Variants in NKAIN2 observed in about 807,000 individuals in gnomAD.
NKAIN2 encodes the protein sodium/potassium-transporting ATPase subunit beta-1-interacting protein 2.
NKAIN2 carries 14 observed loss-of-function variants against 32.6 expected under a neutral mutation model. The observed-to-expected ratio is 0.43, with a 90% CI of 0.28 to 0.67. NKAIN2 has a LOEUF of 0.67. Ranked by LOEUF, NKAIN2 falls within the 30% of genes least tolerant of loss-of-function variation. NKAIN2 has a pLI of 0.17. For synonymous variants in NKAIN2, 80 were observed against 87.2 expected, an observed-to-expected ratio of 0.92 and a Z score of 0.46; for missense variants, 198 against 258.3, an observed-to-expected ratio of 0.77 and a Z score of 1.60.
At chr6:124,755,154 C>T (rs1777903496) in intron 4 of NKAIN2, among the ~76,000 whole-genome samples, 2 of 152,200 alleles carry the variant, frequency 1.3e-5, no homozygotes, top group South Asian at 4.1e-4. Flanking sequence ...TAGCTGAAGG[C>T]CTGAGAGCCC....
At chr6:124,695,492 C>A (rs140409465) in intron 4 of NKAIN2, among the ~76,000 whole-genome samples, 1 of 152,154 alleles carries the variant, frequency 6.6e-6, no homozygotes, top group Non-Finnish European at 1.5e-5. Context: ...ATTCTGAGAG[C>A]TTTATGAAGG....
chr6:123,930,367 G>A (rs1266862213), intron 1 of NKAIN2, among the ~76,000 whole-genome samples: 1 of 152,004 alleles, frequency 6.6e-6, no homozygotes, highest in Non-Finnish European at 1.5e-5. Flanking sequence ...GTCCAACTTT[G>A]CTTTGTCTTT....
At chr6:124,208,637 A>G (rs1791016961) in intron 1 of NKAIN2, among the ~76,000 whole-genome samples, 1 of 151,498 alleles carries the variant, frequency 6.6e-6, no homozygotes, top group Non-Finnish European at 1.5e-5. Context: ...TATAAAATAT[A>G]CTATATTATA....
At chr6:124,532,212 A>G (rs933984109) in intron 3 of NKAIN2, among the ~76,000 whole-genome samples, 1 of 152,152 alleles carries the variant, frequency 6.6e-6, no homozygotes, top group Non-Finnish European at 1.5e-5. Flanking sequence ...GAACTTTTAC[A>G]CCCTGTTAGC....
At chr6:123,901,308 C>A (rs574233654) in intron 1 of NKAIN2, among the ~76,000 whole-genome samples, 14 of 152,112 alleles carry the variant, frequency 9.2e-5, no homozygotes, top group Middle Eastern at 3.4e-3. Flanking sequence ...TTAGTGATAT[C>A]ATTTTTTTCT....
In NKAIN2 at chr6:124,585,321, G is replaced by T. The variant is rs552576059; in HGVS notation, c.274-72865G>T. ...TTACCAGAGGCTGGGAAAGGTAGCT[G>T]GGGGGAGAGGGTTAGTGGAGGTGGT... On this transcript the variant is annotated intron_variant, in intron 3 of 6. Coordinates refer to ENST00000368417, the MANE Select transcript of NKAIN2 (RefSeq NM_001040214.3). Among the ~76,000 whole-genome samples, 7 of 152,278 alleles carry T rather than the reference G, an allele frequency of 4.6e-5. No homozygotes were observed. The South Asian group carries it at 1.2e-3, about 27-fold the overall frequency.
At chr6:124,147,238 C>T (rs1013188301) in intron 1 of NKAIN2, among the ~76,000 whole-genome samples, 4 of 152,150 alleles carry the variant, frequency 2.6e-5, no homozygotes, top group South Asian at 2.1e-4. Context: ...TCAGGATACA[C>T]TGGAAAGCGT....
At chr6:123,928,843 T>A (rs1330601128) in intron 1 of NKAIN2, among the ~76,000 whole-genome samples, 1 of 152,178 alleles carries the variant, frequency 6.6e-6, no homozygotes, top group Admixed American at 6.5e-5. Flanking sequence ...AGCTGAAGAA[T>A]GAGGAATGAA....
In NKAIN2 at chr6:124,500,060, G is replaced by T. The variant is rs117486043; in HGVS notation, c.273+144713G>T. ...ACTTTTTAAAGGGTGATGGAGATTT[G>T]TGATGAAACCAAATATACTGTAGCC... On this transcript the variant is annotated intron_variant, in intron 3 of 6. Transcript: ENST00000368417. Among the ~76,000 whole-genome samples the T allele has an allele frequency of 5.1e-4, 77 of 152,284 alleles. No individual in the cohort carries two copies. In the East Asian group the frequency reaches 0.011, roughly 23 times the overall value.
At chr6:124,804,557 G>A (rs6916240) in intron 5 of NKAIN2, 42,310 of 207,714 alleles carry the variant, frequency 0.2, 5,295 homozygotes, top group East Asian at 0.59. Flanking sequence ...AGCTCCCAGC[G>A]TGAGCGACGC....
intron 4 of NKAIN2, among the ~76,000 whole-genome samples, chr6:124,700,223 C>CA (rs1774708868): frequency 6.6e-6 from 1 of 152,044 alleles, no homozygotes; most frequent in Non-Finnish European, 1.5e-5. Flanking sequence ...AAAAATCAGG[C>CA]AAAATCTTAG....
intron 3 of NKAIN2, among the ~76,000 whole-genome samples, chr6:124,571,148 C>T (rs1041239314): frequency 7.2e-5 from 11 of 152,242 alleles, no homozygotes; most frequent in East Asian, 1.9e-4. Flanking sequence ...ATACCCGTAC[C>T]GCCATTGTAT....
At chr6:123,808,331 A>T (rs191097628) in intron 1 of NKAIN2, among the ~76,000 whole-genome samples, 5 of 152,190 alleles carry the variant, frequency 3.3e-5, no homozygotes, top group Admixed American at 3.3e-4. Context: ...AAACTTACTC[A>T]TGAAGAAGAC....
intron 3 of NKAIN2, 104 bp downstream of exon 3, chr6:124,355,451 A>G (rs575863224): frequency 2.4e-5 from 16 of 663,952 alleles, no homozygotes; most frequent in Middle Eastern, 2.6e-4. Flanking sequence ...CTGCACCTCA[A>G]TGAAAGTAAA....
At chr6:124,501,200 G>C (rs1044979053) in intron 3 of NKAIN2, among the ~76,000 whole-genome samples, 1 of 152,048 alleles carries the variant, frequency 6.6e-6, no homozygotes, top group Admixed American at 6.6e-5. Context: ...CCTCTACAGT[G>C]TTTCTGGACA....
intron 3 of NKAIN2, among the ~76,000 whole-genome samples, chr6:124,469,436 T>C (rs561877738): frequency 6.6e-6 from 1 of 152,324 alleles, no homozygotes; most frequent in South Asian, 2.1e-4. Flanking sequence ...AATATAATTA[T>C]ATGACTCAAT....
intron 4 of NKAIN2, among the ~76,000 whole-genome samples, chr6:124,752,077 TTTAGAAAATGC>T: frequency 6.6e-6 from 1 of 152,166 alleles, no homozygotes; most frequent in Non-Finnish European, 1.5e-5. Context: ...GTATTACTGC[TTTAGAAAATGC>T]CTAGCTTTAC....
At chr6:123,859,607 T>G (rs904025814) in intron 1 of NKAIN2, among the ~76,000 whole-genome samples, 1 of 152,248 alleles carries the variant, frequency 6.6e-6, no homozygotes, top group Non-Finnish European at 1.5e-5. Flanking sequence ...CCATTGGTCC[T>G]GTTATCTACC....
chr6:123,921,086 A>G (rs1004951390), intron 1 of NKAIN2, among the ~76,000 whole-genome samples: 1 of 152,220 alleles, frequency 6.6e-6, no homozygotes, highest in Non-Finnish European at 1.5e-5. Context: ...TAAGAGTGGA[A>G]TATCAAGGCA....
Sources: allele counts gnomAD v4.1 joint callset (sites outside exome capture counted in the v4.1 genomes callset), GRCh38; gene constraint gnomAD v4.1.1; transcripts MANE v1.5; gene names NCBI Gene and HGNC (gene_info 2026-07-23, HGNC 2026-07-21).